Variants in KCNB2 observed in about 807,000 individuals in gnomAD.
The protein encoded by KCNB2 is delayed rectifier potassium channel protein.
A neutral mutation model predicts 61.5 loss-of-function variants in KCNB2; 15 were observed. That is an observed-to-expected ratio of 0.24 (90% CI 0.16 to 0.38). The LOEUF is 0.38. KCNB2 is among the 10% of genes least tolerant of loss of function. The probability of loss-of-function intolerance (pLI) is 1.00; values close to 1 mark genes in which losing one functional copy is unlikely to be tolerated. For synonymous variants in KCNB2, 457 were observed against 446.0 expected (o/e 1.02, Z -0.31); for missense variants, 828 against 1,125.2 (o/e 0.74, Z 3.78).
chr8:72,648,440 T>A (rs1806164578), intron 2 of KCNB2, among the ~76,000 whole-genome samples: 1 of 152,106 alleles, frequency 6.6e-6, no homozygotes, highest in Non-Finnish European at 1.5e-5. Flanking sequence ...GCCAAGCTAA[T>A]TTTTTATTTT....
intron 2 of KCNB2, among the ~76,000 whole-genome samples, chr8:72,772,476 G>A (rs1808577030): frequency 6.6e-6 from 1 of 152,178 alleles, no homozygotes; most frequent in Non-Finnish European, 1.5e-5. Context: ...GTAGCTCCCT[G>A]AGTTTGAGGA....
Position 72,567,797 on chromosome 8 carries a change from T to C in KCNB2, c.63T>C (p.Pro21=), listed in dbSNP as rs1806647740. 6.2e-7 allele frequency: 1 copy of C among 1,611,818 alleles called. No individual in the cohort carries two copies. Among genetic ancestry groups the C allele is most frequent in the Non-Finnish European group, 8.5e-7 (1 of 1,179,320 alleles). Residue 21 remains proline, a synonymous_variant, in exon 2 of 3, where the codon CCT becomes CCC. Transcript: ENST00000523207. The part of the protein sequence containing the change: ...RKTSRSTLSL[P]PEPVDIIRSK... Reference sequence around the variant, plus strand: ...CTTCAAGGTCGACACTTTCCCTTCCTCCAGAGCCTGTGGACATTATCCGGA... The same window carrying C: ...CTTCAAGGTCGACACTTTCCCTTCCCCCAGAGCCTGTGGACATTATCCGGA...
chr8:72,649,508 T>A (rs1806181239), intron 2 of KCNB2, among the ~76,000 whole-genome samples: 4 of 151,994 alleles, frequency 2.6e-5, no homozygotes, highest in Admixed American at 2.6e-4. Context: ...TCCTGGGTGA[T>A]GAGATGAACT....
intron 2 of KCNB2, among the ~76,000 whole-genome samples, chr8:72,930,972 G>T (rs1248676722): frequency 2.6e-5 from 4 of 152,160 alleles, no homozygotes; most frequent in Admixed American, 2.6e-4. Context: ...ATTAACTTTT[G>T]TATAAGGTGT....
intron 2 of KCNB2, among the ~76,000 whole-genome samples, chr8:72,656,649 T>C (rs1368056532): frequency 1.3e-5 from 2 of 152,178 alleles, no homozygotes; most frequent in Non-Finnish European, 2.9e-5. Flanking sequence ...TTTTCACAAT[T>C]TGGTCGTTTT....
At chr8:72,838,801 G>T (rs1395629071) in intron 2 of KCNB2, among the ~76,000 whole-genome samples, 2 of 55,964 alleles carry the variant, frequency 3.6e-5, no homozygotes, top group Admixed American at 1.9e-4. Flanking sequence ...CTGAAATCTT[G>T]GTTAAAGAAT....
intron 2 of KCNB2, among the ~76,000 whole-genome samples, chr8:72,605,405 T>A (rs1487811931): frequency 6.6e-6 from 1 of 152,206 alleles, no homozygotes; most frequent in African/African-American, 2.4e-5. Flanking sequence ...GTGTCATTAC[T>A]ACCAGTCTGA....
At chr8:72,655,332 C>G (rs915706821) in intron 2 of KCNB2, among the ~76,000 whole-genome samples, 1 of 152,064 alleles carries the variant, frequency 6.6e-6, no homozygotes, top group Non-Finnish European at 1.5e-5. Flanking sequence ...GATTGAAAAA[C>G]TACCTATTGG....
intron 2 of KCNB2, among the ~76,000 whole-genome samples, chr8:72,612,282 C>T (rs1243454782): frequency 6.6e-6 from 1 of 152,136 alleles, no homozygotes; most frequent in Admixed American, 6.6e-5. Context: ...ATGCAGTGTT[C>T]TCAGTGAAGA....
intron 2 of KCNB2, among the ~76,000 whole-genome samples, chr8:72,848,415 CAATTTATTATTTGTAAAGAATAATAATA>C (rs532680531): frequency 5.1e-4 from 77 of 151,978 alleles, no homozygotes; most frequent in South Asian, 1.0e-3. Context: ...TGTTTTGTTT[CAATTTATTATTTGTAAAGAATAATAATA>C]AATTTATTAT....
chr8:72,604,006 G>A (rs58956980), intron 2 of KCNB2, among the ~76,000 whole-genome samples: 2,124 of 152,196 alleles, frequency 0.014, 43 homozygotes, highest in African/African-American at 0.048. Context: ...TGACACCCTG[G>A]TTTTGGACTT....
At chr8:72,698,073 C>T (rs1300132048) in intron 2 of KCNB2, among the ~76,000 whole-genome samples, 1 of 152,130 alleles carries the variant, frequency 6.6e-6, no homozygotes, top group African/African-American at 2.4e-5. Flanking sequence ...AACTACCTCT[C>T]CTCACTAACA....
At chr8:72,839,164 T>G (rs1337200550) in intron 2 of KCNB2, among the ~76,000 whole-genome samples, 1 of 152,228 alleles carries the variant, frequency 6.6e-6, no homozygotes, top group East Asian at 1.9e-4. Context: ...CCTTTTCTAG[T>G]TAAATCATGG....
intron 2 of KCNB2, among the ~76,000 whole-genome samples, chr8:72,883,753 T>C (rs1270096359): frequency 6.6e-6 from 1 of 152,236 alleles, no homozygotes; most frequent in African/African-American, 2.4e-5. Flanking sequence ...GATTTAACCA[T>C]TTGACAGGCC....
intron 2 of KCNB2, among the ~76,000 whole-genome samples, chr8:72,808,395 T>C (rs1809256838): frequency 6.6e-6 from 1 of 152,210 alleles, no homozygotes; most frequent in Non-Finnish European, 1.5e-5. Flanking sequence ...TACTAAATGA[T>C]CTGTTTCATG....
intron 2 of KCNB2, among the ~76,000 whole-genome samples, chr8:72,745,013 A>G (rs138505718): frequency 7.9e-5 from 12 of 152,152 alleles, no homozygotes; most frequent in East Asian, 1.9e-4. Flanking sequence ...ACAGAGTCCA[A>G]AGAGACTTAG....
intron 2 of KCNB2, among the ~76,000 whole-genome samples, chr8:72,694,306 C>T (rs1345847369): frequency 1.3e-5 from 2 of 152,150 alleles, no homozygotes; most frequent in African/African-American, 4.8e-5. Context: ...CATATATACT[C>T]ACAAATATAT....
chr8:72,779,558 C>G (rs1257653580), intron 2 of KCNB2, among the ~76,000 whole-genome samples: 2 of 152,166 alleles, frequency 1.3e-5, no homozygotes, highest in African/African-American at 2.4e-5. Flanking sequence ...ATATATCTGA[C>G]ATGGTTCTTC....
chr8:72,885,397 T>C (rs1433770964), intron 2 of KCNB2, among the ~76,000 whole-genome samples: 1 of 152,174 alleles, frequency 6.6e-6, no homozygotes, highest in Non-Finnish European at 1.5e-5. Flanking sequence ...CTTGAAGATT[T>C]GTTAAGCATC....
Sources: allele counts gnomAD v4.1 joint callset (sites outside exome capture counted in the v4.1 genomes callset), GRCh38; gene constraint gnomAD v4.1.1; transcripts MANE v1.5; gene names NCBI Gene and HGNC (gene_info 2026-07-23, HGNC 2026-07-21).